The following WDFY4 variants were observed in gnomAD, a reference collection of about 807,000 sequenced individuals.
The protein encoded by WDFY4 is WDFY family member 4, also known as WD repeat- and FYVE domain-containing protein 4.
Under a neutral mutation model 351.9 loss-of-function variants are expected in WDFY4, and 169 were observed. That is an observed-to-expected ratio of 0.48 (90% CI 0.42 to 0.55). WDFY4 has a LOEUF of 0.55. Among genes scored for constraint, WDFY4 ranks in the 20% least tolerant of loss-of-function variants. The pLI is 0.00. For synonymous variants in WDFY4, 1,622 were observed against 1,574.6 expected (o/e 1.03, Z -0.71); for missense variants, 3,803 against 3,935.6 (o/e 0.97, Z 0.90).
intron 47 of WDFY4, among the ~76,000 whole-genome samples, chr10:48,931,948 T>C (rs984513483): frequency 6.6e-6 from 1 of 152,180 alleles, no homozygotes; most frequent in Non-Finnish European, 1.5e-5. Flanking sequence ...CACATGTTAG[T>C]CATGCCGGCT....
intron 12 of WDFY4, among the ~76,000 whole-genome samples, chr10:48,755,175 G>A (rs988719672): frequency 6.6e-6 from 1 of 152,146 alleles, no homozygotes; most frequent in Admixed American, 6.5e-5. Flanking sequence ...AAGCATACAT[G>A]TGTAATCTTT....
At chr10:48,742,064 C>T (rs2064868840) in intron 11 of WDFY4, among the ~76,000 whole-genome samples, 1 of 152,130 alleles carries the variant, frequency 6.6e-6, no homozygotes, top group African/African-American at 2.4e-5. Context: ...TCTCTTCCTC[C>T]CTCCTTCCTT....
At chr10:48,837,156 A>G (rs1335251243) in intron 39 of WDFY4, among the ~76,000 whole-genome samples, 1 of 152,028 alleles carries the variant, frequency 6.6e-6, no homozygotes, top group Non-Finnish European at 1.5e-5. Context: ...AGCATTAGCA[A>G]TCAGAAAATG....
chr10:48,875,620 G>T (rs981878232), intron 42 of WDFY4, among the ~76,000 whole-genome samples: 2 of 152,132 alleles, frequency 1.3e-5, no homozygotes, highest in African/African-American at 4.8e-5. Context: ...TTGCCACATT[G>T]CCCAGGCTGG....
chr10:48,720,059 C>T lies in WDFY4; in HGVS notation c.283C>T (p.Leu95=), dbSNP rs1356386292. 1 of 1,551,784 alleles carries T rather than the reference C, an allele frequency of 6.4e-7. No individual in the cohort carries two copies. The highest frequency in any genetic ancestry group is 8.7e-7 in the Non-Finnish European group (1 of 1,147,000). The part of the protein sequence containing the change: ...GIICFPSLQR[L]AEDVSDQLAQ... ...CATCTGCTTTCCCAGTCTCCAAAGG[C>T]TGGCTGAAGACGTGTCTGACCAGCT... Residue 95 remains leucine (L), a synonymous_variant, in exon 3 of 62, where the codon CTG becomes TTG. Coordinates refer to ENST00000325239, the MANE Select transcript of WDFY4 (RefSeq NM_001394531.1).
chr10:48,757,217 T>C (rs892216590), intron 12 of WDFY4, among the ~76,000 whole-genome samples: 1 of 152,112 alleles, frequency 6.6e-6, no homozygotes, highest in African/African-American at 2.4e-5. Context: ...GAACAATTAC[T>C]GAGAGGAGTG....
intron 47 of WDFY4, chr10:48,913,369 C>G: frequency 4.4e-6 from 7 of 1,599,958 alleles, no homozygotes; most frequent in Non-Finnish European, 6.0e-6. Context: ...TCCCTTCTGC[C>G]TCAGGGTCAG....
chr10:48,856,761 A>T (rs571709197), intron 39 of WDFY4, among the ~76,000 whole-genome samples: 2 of 152,300 alleles, frequency 1.3e-5, no homozygotes, highest in South Asian at 4.1e-4. Context: ...ACATACAGAT[A>T]GCATATATGG....
At chr10:48,706,241 C>G (rs2063624162) in intron 1 of WDFY4, among the ~76,000 whole-genome samples, 1 of 152,208 alleles carries the variant, frequency 6.6e-6, no homozygotes, top group Non-Finnish European at 1.5e-5. Context: ...TATTGAGAAT[C>G]TACTCTGTGC....
chr10:48,963,955 C>T lies in WDFY4; in HGVS notation c.8337C>T (p.Tyr2779=), dbSNP rs1388452640. The T allele has an allele frequency of 6.4e-7, 1 of 1,551,246 alleles. No homozygotes were observed. The highest frequency in any genetic ancestry group is 2.0e-5 in the Admixed American group (1 of 51,008). Reference sequence around the variant, plus strand: ...ATGCTGTTAATATCTTCCACCCCTACTTCTACGGTGACAGAATGGACCTCA... The same window carrying T: ...ATGCTGTTAATATCTTCCACCCCTATTTCTACGGTGACAGAATGGACCTCA... ...AVDAVNIFHP[Y]FYGDRMDLSS... Residue 2779 remains tyrosine, a synonymous_variant, in exon 54 of 62, where the codon TAC becomes TAT. Coordinates refer to ENST00000325239, the MANE Select transcript of WDFY4 (RefSeq NM_001394531.1).
Position 48,958,881 on chromosome 10 carries a change from G to T in WDFY4, c.8132-841G>T, listed in dbSNP as rs72801331. ...TGAGATGAGTGATGAGAAGGGCCAG[G>T]CCAGGCAGCTCAGTAGCCAAGAGAG... On this transcript the variant is annotated intron_variant, in intron 52 of 61. Transcript: ENST00000325239. Among the ~76,000 whole-genome samples, 589 of 152,262 alleles carry T rather than the reference G, an allele frequency of 3.9e-3. 1 individual carries two copies. The highest frequency in any genetic ancestry group is 6.4e-3 in the Non-Finnish European group (436 of 68,030).
intron 36 of WDFY4, 97 bp from the exon 37 acceptor site, chr10:48,828,681 A>G: frequency 1.4e-6 from 1 of 709,408 alleles, no homozygotes; most frequent in South Asian, 2.2e-5. Context: ...GATATAGATA[A>G]TTATTGGAGG....
chr10:48,735,787 T>C (rs2064639181), intron 10 of WDFY4, 93 bp from the exon 11 acceptor site: 1 of 1,302,196 alleles, frequency 7.7e-7, no homozygotes, highest in Middle Eastern at 2.7e-4. Context: ...AAATGAAGTT[T>C]GAAAATTATA....
intron 56 of WDFY4, 96 bp downstream of exon 56, chr10:48,969,344 C>A (rs1185311274): frequency 2.1e-6 from 3 of 1,405,830 alleles, no homozygotes; most frequent in African/African-American, 1.4e-5. Flanking sequence ...TCCAAAGCAA[C>A]CTCGCTCACT....
At chr10:48,914,799 A>G (rs917219533) in intron 47 of WDFY4, among the ~76,000 whole-genome samples, 6 of 152,218 alleles carry the variant, frequency 3.9e-5, no homozygotes, top group African/African-American at 1.4e-4. Context: ...CCTGTTGCTC[A>G]GCCCAGGGAT....
Position 48,727,670 on chromosome 10 carries a change from G to A in WDFY4, c.971+11G>A. 4 of 1,551,740 alleles carry A rather than the reference G, an allele frequency of 2.6e-6. No homozygotes were observed. The highest frequency in any genetic ancestry group is 3.5e-6 in the Non-Finnish European group (4 of 1,146,894). On this transcript the variant is annotated intron_variant, in intron 7 of 61. Coordinates refer to ENST00000325239, the MANE Select transcript of WDFY4 (RefSeq NM_001394531.1). ...CAAAGTGTTACTTCGGTAAGTGGCT[G>A]TGTTTGGTACGGGGAGAGCACAGGA...
intron 43 of WDFY4, among the ~76,000 whole-genome samples, chr10:48,884,722 C>A (rs1564448286): frequency 6.6e-6 from 1 of 151,152 alleles, no homozygotes; most frequent in Non-Finnish European, 1.5e-5. Flanking sequence ...ATGCTCCTCC[C>A]CTGTTTTTTT....
At chr10:48,705,081 T>A (rs576879279) in intron 1 of WDFY4, among the ~76,000 whole-genome samples, 1 of 152,314 alleles carries the variant, frequency 6.6e-6, no homozygotes, top group Non-Finnish European at 1.5e-5. Flanking sequence ...GAGTCTGTGC[T>A]GGGAGCCAAA....
chr10:48,719,982 C>A (rs2132268008), intron 2 of WDFY4, 29 bp from the exon 3 acceptor site: 1 of 1,546,580 alleles, frequency 6.5e-7, no homozygotes, highest in Non-Finnish European at 8.8e-7. Flanking sequence ...GCATTGCTAT[C>A]TCTGACCAAG....
Sources: gnomAD v4.1 joint callset for allele counts (sites outside exome capture counted in the v4.1 genomes callset) on GRCh38, gnomAD v4.1.1 for gene constraint, MANE v1.5 for transcripts, NCBI Gene and HGNC (gene_info 2026-07-23, HGNC 2026-07-21) for gene names.